Variants in FSHR observed in about 807,000 individuals in gnomAD.
FSHR encodes follicle-stimulating hormone receptor.
FSHR carries 46 observed loss-of-function variants against 52.1 expected under a neutral mutation model. The ratio of observed to expected loss-of-function variants is 0.88; its 90% CI spans 0.70 to 1.13. FSHR has a LOEUF of 1.13. Ranked by LOEUF, FSHR falls within the 50% of genes most tolerant of loss-of-function variation. The pLI is 0.00. For missense variants in FSHR, 964 were observed against 834.6 expected (o/e 1.16, Z -1.91); for synonymous variants, 399 against 309.6 (o/e 1.29, Z -3.03).
Position 48,982,953 on chromosome 2 carries a change from C to T in FSHR, c.627G>A (p.Leu209=). ...AGGCTCCGTGGAAAACATCATTAGG[C>T]AATTCTTCTAAATTATTATTATCGC... ...NLSDNNNLEE[L]PNDVFHGASG... Residue 209 remains leucine (L), a synonymous_variant, in exon 8 of 10, where the codon TTG becomes TTA. Coordinates refer to ENST00000406846, the MANE Select transcript of FSHR (RefSeq NM_000145.4). 6.2e-7 allele frequency: 1 copy of T among 1,614,070 alleles called. No individual in the cohort carries two copies. Among genetic ancestry groups the T allele is most frequent in the Non-Finnish European group, 8.5e-7 (1 of 1,179,962 alleles).
chr2:49,038,800 GAC>G (rs978231686), intron 2 of FSHR, among the ~76,000 whole-genome samples: 9 of 151,742 alleles, frequency 5.9e-5, no homozygotes, highest in African/African-American at 2.2e-4. Context: ...AGAACAAAGT[GAC>G]ACTGATTAAT....
intron 8 of FSHR, 37 bp downstream of exon 8, chr2:48,982,875 T>A: frequency 6.5e-7 from 1 of 1,544,118 alleles, no homozygotes; most frequent in Non-Finnish European, 9.0e-7. Context: ...TTACACAAAC[T>A]GAGCTCTTAC....
chr2:49,026,362 G>T (rs955453492), intron 2 of FSHR, among the ~76,000 whole-genome samples: 14 of 152,118 alleles, frequency 9.2e-5, no homozygotes, highest in Non-Finnish European at 1.9e-4. Context: ...AATAGCTAAC[G>T]TTTATTAAGC....
At position 49,093,797 on chromosome 2, in the gene FSHR, A is replaced by G. The variant is rs769046466; in HGVS notation, c.153-25507T>C. On this transcript the variant is annotated intron_variant, in intron 1 of 9. Transcript: ENST00000406846. ...TTTTTAGTAGAGACCGAGTTTCACCATGTTGGCCAGGCTGGTCTCGAACTC... is the reference window on the plus strand; with the variant it reads ...TTTTTAGTAGAGACCGAGTTTCACCGTGTTGGCCAGGCTGGTCTCGAACTC... 1.6e-3 allele frequency among the ~76,000 whole-genome samples: 250 copies of G among 151,992 alleles called. 3 individuals carry two copies. The highest frequency in any genetic ancestry group is 6.2e-4 in the Non-Finnish European group (42 of 67,938).
intron 4 of FSHR, among the ~76,000 whole-genome samples, chr2:49,014,104 G>A (rs1667397059): frequency 6.6e-6 from 1 of 152,046 alleles, no homozygotes; most frequent in Non-Finnish European, 1.5e-5. Context: ...AGAAACAAAT[G>A]TTTATTGTTT....
chr2:49,098,720 C>T (rs1318102605), intron 1 of FSHR, among the ~76,000 whole-genome samples: 4 of 145,078 alleles, frequency 2.8e-5, no homozygotes, highest in Non-Finnish European at 4.5e-5. Context: ...ATATATTATC[C>T]ATATATTACC....
At chr2:48,993,677 T>C (rs1352096567) in intron 4 of FSHR, among the ~76,000 whole-genome samples, 1 of 152,192 alleles carries the variant, frequency 6.6e-6, no homozygotes, top group Non-Finnish European at 1.5e-5. Flanking sequence ...AATTTATACT[T>C]CTTACTGCCT....
intron 2 of FSHR, among the ~76,000 whole-genome samples, chr2:49,032,250 G>C (rs925234386): frequency 4.6e-5 from 7 of 152,058 alleles, no homozygotes; most frequent in Admixed American, 3.9e-4. Flanking sequence ...CCTTTATCAG[G>C]GTATTTTATC....
chr2:49,112,883 G>T (rs943784061), intron 1 of FSHR, among the ~76,000 whole-genome samples: 3 of 152,164 alleles, frequency 2.0e-5, no homozygotes, highest in African/African-American at 7.2e-5. Flanking sequence ...GGCCATTAGA[G>T]ATCCAGTCCT....
intron 8 of FSHR, among the ~76,000 whole-genome samples, chr2:48,982,625 G>A (rs1282694809): frequency 6.6e-6 from 1 of 152,174 alleles, no homozygotes; most frequent in Non-Finnish European, 1.5e-5. Flanking sequence ...TCCTACCACA[G>A]GGGGTGATTA....
intron 1 of FSHR, among the ~76,000 whole-genome samples, chr2:49,130,559 A>G (rs1672228719): frequency 6.6e-6 from 1 of 152,216 alleles, no homozygotes. Flanking sequence ...CAAGTCATTA[A>G]TTTCATTTAT....
At chr2:49,100,087 T>G (rs1670971531) in intron 1 of FSHR, among the ~76,000 whole-genome samples, 1 of 152,166 alleles carries the variant, frequency 6.6e-6, no homozygotes, top group African/African-American at 2.4e-5. Context: ...ACGTATTAAC[T>G]CATGTAATCT....
intron 1 of FSHR, 132 bp from the exon 2 acceptor site, chr2:49,068,422 A>C (rs774748359): frequency 7.2e-5 from 54 of 751,452 alleles, no homozygotes; most frequent in Non-Finnish European, 1.2e-4. Flanking sequence ...AATTGCTTTT[A>C]CATTCTCTCT....
At chr2:49,130,589 T>A (rs1453692535) in intron 1 of FSHR, among the ~76,000 whole-genome samples, 3 of 152,228 alleles carry the variant, frequency 2.0e-5, no homozygotes, top group Non-Finnish European at 4.4e-5. Context: ...TCTCTTGAGG[T>A]TTAAGACATG....
chr2:49,051,060 TAGC>T (rs1038260080), intron 2 of FSHR, among the ~76,000 whole-genome samples: 51 of 152,330 alleles, frequency 3.3e-4, no homozygotes, highest in Non-Finnish European at 5.0e-4. Context: ...TTTTACATAT[TAGC>T]AGTGTATTCT....
chr2:49,076,315 A>T (rs1669948676), intron 1 of FSHR, among the ~76,000 whole-genome samples: 1 of 152,222 alleles, frequency 6.6e-6, no homozygotes, highest in Non-Finnish European at 1.5e-5. Context: ...GCGAGGAGCA[A>T]GTCATGTTCT....
chr2:48,971,095 C>A (rs148117661), intron 8 of FSHR, among the ~76,000 whole-genome samples: 1 of 152,166 alleles, frequency 6.6e-6, no homozygotes, highest in Non-Finnish European at 1.5e-5. Context: ...TAATGACTCC[C>A]CATTGCTCTT....
chr2:49,086,043 A>G (rs914671616), intron 1 of FSHR, among the ~76,000 whole-genome samples: 1 of 152,068 alleles, frequency 6.6e-6, no homozygotes, highest in African/African-American at 2.4e-5. Context: ...CAGCACACCA[A>G]CATGGCACAT....
chr2:48,995,807 C>A (rs1573066023), intron 4 of FSHR, among the ~76,000 whole-genome samples: 1 of 152,064 alleles, frequency 6.6e-6, no homozygotes, highest in South Asian at 2.1e-4. Flanking sequence ...CCAGGAAGGA[C>A]AAGACATCCC....
Sources: allele counts gnomAD v4.1 joint callset (sites outside exome capture counted in the v4.1 genomes callset), GRCh38; gene constraint gnomAD v4.1.1; transcripts MANE v1.5; gene names NCBI Gene and HGNC (gene_info 2026-07-23, HGNC 2026-07-21).